The following GRK5 variants were observed in gnomAD, a reference collection of about 807,000 sequenced individuals.
GRK5 encodes the protein G protein-coupled receptor kinase 5.
Under a neutral mutation model 78.4 loss-of-function variants are expected in GRK5, and 40 were observed. The observed-to-expected ratio is 0.51, with a 90% CI of 0.40 to 0.66. The LOEUF is 0.66. Among genes scored for constraint, GRK5 ranks in the 30% least tolerant of loss-of-function variants. The pLI is 0.00. For missense variants in GRK5, 598 were observed against 759.9 expected, an observed-to-expected ratio of 0.79 and a Z score of 2.50; for synonymous variants, 289 against 296.8, an observed-to-expected ratio of 0.97 and a Z score of 0.27.
chr10:119,410,605 C>A (rs907684416), intron 4 of GRK5, among the ~76,000 whole-genome samples: 1 of 152,180 alleles, frequency 6.6e-6, no homozygotes, highest in East Asian at 1.9e-4. Context: ...CCCAGCCACA[C>A]GGCCCTCACT....
chr10:119,404,594 G>C (rs1040119125), intron 4 of GRK5, among the ~76,000 whole-genome samples: 1 of 152,192 alleles, frequency 6.6e-6, no homozygotes, highest in Non-Finnish European at 1.5e-5. Context: ...TTGTAAGAAG[G>C]CCTCAGTTTT....
At chr10:119,294,131 G>T (rs369523633) in intron 1 of GRK5, among the ~76,000 whole-genome samples, 1 of 152,174 alleles carries the variant, frequency 6.6e-6, no homozygotes, top group South Asian at 2.1e-4. Flanking sequence ...GGAGGAAAGC[G>T]TACCTGGATC....
chr10:119,241,546 G>T (rs1256626980), intron 1 of GRK5, among the ~76,000 whole-genome samples: 1 of 152,228 alleles, frequency 6.6e-6, no homozygotes, highest in Non-Finnish European at 1.5e-5. Flanking sequence ...GGAAAGAGTT[G>T]ATGGTAGTGT....
At chr10:119,425,698 G>A (rs1852665198) in intron 6 of GRK5, among the ~76,000 whole-genome samples, 1 of 152,242 alleles carries the variant, frequency 6.6e-6, no homozygotes, top group South Asian at 2.1e-4. Context: ...CCTATCCCGT[G>A]AGTGAGCAGG....
chr10:119,421,944 AC>A (rs1464505085), intron 4 of GRK5, among the ~76,000 whole-genome samples: 4 of 151,942 alleles, frequency 2.6e-5, no homozygotes, highest in Non-Finnish European at 5.9e-5. Flanking sequence ...CGTCCCCTCC[AC>A]CCCCAGGGAT....
chr10:119,330,056 T>C (rs892617572), intron 2 of GRK5, among the ~76,000 whole-genome samples: 1 of 151,720 alleles, frequency 6.6e-6, no homozygotes, highest in Non-Finnish European at 1.5e-5. Flanking sequence ...AGAGACAGGG[T>C]TTTGCCATGT....
chr10:119,208,113 C>G (rs1442099160), intron 1 of GRK5, 144 bp downstream of exon 1: 1 of 696,804 alleles, frequency 1.4e-6, no homozygotes, highest in African/African-American at 1.9e-5. Flanking sequence ...CGGAGAGCGG[C>G]TCTGCAGACC....
chr10:119,345,425 C>A (rs2133791215), intron 2 of GRK5, among the ~76,000 whole-genome samples: 1 of 152,314 alleles, frequency 6.6e-6, no homozygotes, highest in Non-Finnish European at 1.5e-5. Flanking sequence ...GCTTCCTAGC[C>A]TCACCGGGTA....
At chr10:119,234,532 G>A (rs1020198887) in intron 1 of GRK5, among the ~76,000 whole-genome samples, 1 of 152,132 alleles carries the variant, frequency 6.6e-6, no homozygotes, top group Non-Finnish European at 1.5e-5. Flanking sequence ...CTTTTTTCAG[G>A]TGGATTTGAA....
chr10:119,324,265 C>T (rs1045195687), intron 1 of GRK5, among the ~76,000 whole-genome samples: 6 of 152,220 alleles, frequency 3.9e-5, no homozygotes, highest in Admixed American at 6.5e-5. Flanking sequence ...TTATGAGCCA[C>T]GGGGCCACAG....
intron 1 of GRK5, among the ~76,000 whole-genome samples, chr10:119,244,539 C>G (rs1401657172): frequency 6.6e-6 from 1 of 152,324 alleles, no homozygotes; most frequent in African/African-American, 2.4e-5. Flanking sequence ...AATGTGTTGC[C>G]TGGGCAACAA....
At chr10:119,438,067 C>A (rs1852958690) in intron 9 of GRK5, among the ~76,000 whole-genome samples, 1 of 152,226 alleles carries the variant, frequency 6.6e-6, no homozygotes, top group Non-Finnish European at 1.5e-5. Flanking sequence ...CCAGCCTGGG[C>A]AACAGAGTGA....
intron 1 of GRK5, among the ~76,000 whole-genome samples, chr10:119,303,025 A>G (rs950210853): frequency 6.6e-6 from 1 of 152,176 alleles, no homozygotes; most frequent in Non-Finnish European, 1.5e-5. Context: ...GCGGGACCTC[A>G]AGGCTCAGAG....
intron 1 of GRK5, among the ~76,000 whole-genome samples, chr10:119,258,250 T>A (rs114100165): frequency 6.6e-6 from 1 of 152,220 alleles, no homozygotes; most frequent in Non-Finnish European, 1.5e-5. Flanking sequence ...CATAATGTAT[T>A]TGAGATTTGT....
intron 2 of GRK5, among the ~76,000 whole-genome samples, chr10:119,355,816 G>A (rs1851256434): frequency 6.6e-6 from 1 of 151,920 alleles, no homozygotes; most frequent in South Asian, 2.1e-4. Context: ...AACTCCTTTG[G>A]GATCTATAAT....
At chr10:119,440,902 T>C (rs1853019269) in intron 10 of GRK5, among the ~76,000 whole-genome samples, 1 of 152,134 alleles carries the variant, frequency 6.6e-6, no homozygotes, top group Non-Finnish European at 1.5e-5. Context: ...CAAGGCAGCA[T>C]CTCTGTGCCC....
intron 4 of GRK5, among the ~76,000 whole-genome samples, chr10:119,404,180 A>C (rs1366810882): frequency 1.3e-5 from 2 of 151,940 alleles, no homozygotes; most frequent in South Asian, 4.2e-4. Context: ...AACACTTGCT[A>C]TTTTCTGTGT....
intron 3 of GRK5, among the ~76,000 whole-genome samples, chr10:119,393,543 C>T (rs1589782563): frequency 6.6e-6 from 1 of 152,340 alleles, no homozygotes; most frequent in African/African-American, 2.4e-5. Flanking sequence ...CAAATGATGG[C>T]CGGCCATTTG....
At chr10:119,418,876 C>T (rs1399359317) in intron 4 of GRK5, among the ~76,000 whole-genome samples, 3 of 152,162 alleles carry the variant, frequency 2.0e-5, no homozygotes, top group Non-Finnish European at 2.9e-5. Flanking sequence ...GCCTTCACCT[C>T]TGCAGGTATC....
Sources: allele counts gnomAD v4.1 joint callset (sites outside exome capture counted in the v4.1 genomes callset), GRCh38; gene constraint gnomAD v4.1.1; transcripts MANE v1.5; gene names NCBI Gene and HGNC (gene_info 2026-07-23, HGNC 2026-07-21).